RTL1: variants seen among roughly 807,000 people sequenced by gnomAD.
RTL1 encodes the protein retrotransposon-like protein 1.
For missense variants in RTL1, 1,681 were observed against 1,767.5 expected, an observed-to-expected ratio of 0.95 and a Z score of 0.88; for synonymous variants, 727 against 748.4, an observed-to-expected ratio of 0.97 and a Z score of 0.47.
chr14:100,901,179 C>T (rs904999398), intron 2 of RTL1, among the ~76,000 whole-genome samples: 2 of 152,220 alleles, frequency 1.3e-5, no homozygotes, highest in Non-Finnish European at 2.9e-5. Flanking sequence ...ATGACTCTGC[C>T]CTCCTTGAAA....
rs761842315 is a variant in RTL1, at chr14:100,884,454, T to C, written c.335A>G (p.Asp112Gly). 26 of 1,613,978 alleles carry C rather than the reference T, an allele frequency of 1.6e-5. No homozygotes were observed. The highest frequency in any genetic ancestry group is 2.2e-5 in the Non-Finnish European group (26 of 1,180,026). The change falls in exon 4 of 4, where the codon GAT (aspartate) becomes GGT (glycine). Residue 112 changes from aspartate to glycine, a missense_variant. Asp to Gly is a moderately conservative substitution (Grantham distance 94). Transcript: ENST00000649591. The part of the protein sequence containing the change: ...SCNGSHQARG[D>G]PLSGASDRMK... The stretch of plus-strand genomic sequence containing the variant: ...CCTATCAGATGCTCCACTGAGTGGA[T>C]CCCCCCTTGCCTGGTGTGAACCGTT...
At chr14:100,890,074 GAAAAAAAAA>G (rs55688942) in intron 3 of RTL1, among the ~76,000 whole-genome samples, 1 of 123,892 alleles carries the variant, frequency 8.1e-6, no homozygotes, top group South Asian at 2.7e-4. Context: ...CGCCTTATTT[GAAAAAAAAA>G]AAAAAAAAAA....
intron 3 of RTL1, among the ~76,000 whole-genome samples, chr14:100,890,690 G>A (rs527602702): frequency 1.3e-5 from 2 of 152,112 alleles, no homozygotes; most frequent in Non-Finnish European, 2.9e-5. Context: ...GGTGTCAGGT[G>A]AAGATCCCTG....
chr14:100,882,569 C>T lies in RTL1; in HGVS notation c.2220G>A (p.Met740Ile). 6.4e-7 allele frequency: 1 copy of T among 1,551,770 alleles called. No individual in the cohort carries two copies. Among genetic ancestry groups the T allele is most frequent in the Non-Finnish European group, 8.7e-7 (1 of 1,147,026 alleles). Residue 740 changes from methionine to isoleucine, a missense_variant, in exon 4 of 4, where the codon ATG becomes ATA. Physicochemically the swap from Met to Ile is conservative, Grantham distance 10 (BLOSUM62 1). Transcript: ENST00000649591. ...SYGQEVLIYSMSQEEHLHHVR... is the reference protein window; with the variant it reads ...SYGQEVLIYSISQEEHLHHVR... ...CGTGGTGGAGGTGCTCCTCCTGACT[C>T]ATTGAGTAGATCAGGACTTCCTGGC...
Position 100,893,065 on chromosome 14 carries a change from G to C in RTL1, c.-87+379C>G, listed in dbSNP as rs1463476324. Among the ~76,000 whole-genome samples, 1 of 152,136 alleles carries C rather than the reference G, an allele frequency of 6.6e-6. No individual in the cohort carries two copies. The highest frequency in any genetic ancestry group is 2.4e-5 in the African/African-American group (1 of 41,426). Reference sequence around the variant, plus strand: ...GAAACTGTTGGGACCTTCAGAGCCAGAGATGCCATCTTCATTCCATGGTGT... The same window carrying C: ...GAAACTGTTGGGACCTTCAGAGCCACAGATGCCATCTTCATTCCATGGTGT... On this transcript the variant is annotated intron_variant, in intron 3 of 3. Coordinates refer to ENST00000649591, the MANE Select transcript of RTL1 (RefSeq NM_001134888.3). The surrounding 1 kb of genome is among the most constrained non-coding windows in gnomAD (Gnocchi z 4.2).
chr14:100,890,655 C>T (rs1003182158), intron 3 of RTL1, among the ~76,000 whole-genome samples: 5 of 152,116 alleles, frequency 3.3e-5, no homozygotes, highest in Non-Finnish European at 7.4e-5. Context: ...ACCTGGGGCC[C>T]CTGGCTCTCT....
intron 2 of RTL1, among the ~76,000 whole-genome samples, chr14:100,895,541 C>T (rs7146460): frequency 0.28 from 43,087 of 151,972 alleles, 8,173 homozygotes; most frequent in African/African-American, 0.54. Flanking sequence ...TTTGCAAGCT[C>T]TTCTCATTTT....
In RTL1 at chr14:100,881,488, C is replaced by G. The variant is rs137942742; in HGVS notation, c.3301G>C (p.Val1101Leu). 8.6e-4 allele frequency: 1,337 copies of G among 1,551,468 alleles called. 17 individuals carry two copies. In the Admixed American group the frequency reaches 0.019, roughly 23 times the overall value. ...GGCCGCAGCGAGAGGCATTGCCTCA[C>G]GCGCAGTAGCACGAGGATGGCTGCC... The part of the protein sequence containing the change: ...ALAAILVLLR[V>L]RQCLSLRPAP... The change falls in exon 4 of 4, where the codon GTG (valine) becomes CTG (leucine). Residue 1101 changes from valine (V) to leucine (L), a missense_variant. Val to Leu is a conservative substitution (Grantham distance 32, BLOSUM62 1). Coordinates refer to ENST00000649591, the MANE Select transcript of RTL1 (RefSeq NM_001134888.3). This position sits in a 1 kb window ranked among gnomAD's most constrained non-coding sequence, Gnocchi z 6.6.
rs1171671819 is a variant in RTL1 at position 100,880,988 on chromosome 14, G to C, written c.3801C>G (p.Ala1267=). Residue 1267 remains alanine, a synonymous_variant, in exon 4 of 4, where the codon GCC becomes GCG. Transcript: ENST00000649591. ...QDKQDNDVQE[A]PPSHTAATHP... ...GGGTGGCTGCTGTGTGGCTGGGTGGGGCCTCCTGCACGTCGTTGTCCTGCT... is the reference window on the plus strand; with the variant it reads ...GGGTGGCTGCTGTGTGGCTGGGTGGCGCCTCCTGCACGTCGTTGTCCTGCT... 4 of 1,561,860 alleles carry C rather than the reference G, an allele frequency of 2.6e-6. No homozygotes were observed. The highest frequency in any genetic ancestry group is 2.4e-5 in the East Asian group (1 of 41,794).
Position 100,884,039 on chromosome 14 carries a change from T to C in RTL1, c.750A>G (p.Leu250=). Residue 250 remains leucine, a synonymous_variant, in exon 4 of 4, where the codon TTA becomes TTG. Coordinates refer to ENST00000649591, the MANE Select transcript of RTL1 (RefSeq NM_001134888.3). ...CCTGCAGTAGAGCTTTGGCCCATTCTAATGCCAAGCCGGACAGGTGATTGA... is the reference window on the plus strand; with the variant it reads ...CCTGCAGTAGAGCTTTGGCCCATTCCAATGCCAAGCCGGACAGGTGATTGA... The part of the protein sequence containing the change: ...YVINHLSGLA[L]EWAKALLQEN... 11 of 1,551,752 alleles carry C rather than the reference T, an allele frequency of 7.1e-6. No homozygotes were observed. The highest frequency in any genetic ancestry group is 9.6e-6 in the Non-Finnish European group (11 of 1,147,004).
intron 3 of RTL1, among the ~76,000 whole-genome samples, chr14:100,891,294 C>T (rs1321882535): frequency 6.6e-6 from 1 of 152,210 alleles, no homozygotes; most frequent in Non-Finnish European, 1.5e-5. Flanking sequence ...TCGGACATTC[C>T]CTCTCTTCCC....
rs763474437 is a variant in RTL1, at chr14:100,882,890, G to A, written c.1899C>T (p.Tyr633=). The change falls in exon 4 of 4, where the codon TAC becomes TAT. Residue 633 remains tyrosine, a synonymous_variant. Coordinates refer to ENST00000649591, the MANE Select transcript of RTL1 (RefSeq NM_001134888.3). The part of the protein sequence containing the change: ...MQERARLQEE[Y]WDLQDMLTNR... ...TGGTCAGCATGTCCTGCAGGTCCCA[G>A]TATTCCTCCTGTAGCCTGGCTCTTT... The A allele has an allele frequency of 2.5e-5, 39 of 1,590,396 alleles. No individual in the cohort carries two copies. The Admixed American group carries it at 5.6e-4, about 23-fold the overall frequency.
At chr14:100,897,827 T>G in intron 2 of RTL1, 1 of 252,918 alleles carries the variant, frequency 4.0e-6, no homozygotes, top group Admixed American at 3.2e-5. Context: ...ATTGCTGAGA[T>G]TTGGGTTTGG....
chr14:100,895,375 C>T (rs1282301263), intron 2 of RTL1, among the ~76,000 whole-genome samples: 1 of 152,118 alleles, frequency 6.6e-6, no homozygotes. Flanking sequence ...TGTAAATCAT[C>T]CTCCCCGTCT....
In RTL1 at chr14:100,881,543, G is replaced by A. The variant is rs757210017; in HGVS notation, c.3246C>T (p.Gly1082=). 1.9e-6 allele frequency: 3 copies of A among 1,551,626 alleles called. No homozygotes were observed. Among genetic ancestry groups the A allele is most frequent in the Non-Finnish European group, 2.6e-6 (3 of 1,147,024 alleles). Residue 1082 remains glycine, a synonymous_variant, in exon 4 of 4, where the codon GGC becomes GGT. Coordinates refer to ENST00000649591, the MANE Select transcript of RTL1 (RefSeq NM_001134888.3). This position sits in a 1 kb window ranked among gnomAD's most constrained non-coding sequence, Gnocchi z 6.6. ...IRAVILHFFR[G]LLYWKNTLAL... ...CTAGGGTGTTCTTCCAGTACAGGAGGCCTCGGAAGAAGTGCAGAATGACGG... is the reference window on the plus strand; with the variant it reads ...CTAGGGTGTTCTTCCAGTACAGGAGACCTCGGAAGAAGTGCAGAATGACGG...
chr14:100,890,858 G>A (rs894841792), intron 3 of RTL1, among the ~76,000 whole-genome samples: 9 of 152,278 alleles, frequency 5.9e-5, no homozygotes, highest in East Asian at 1.9e-4. Context: ...AAGGCACAGC[G>A]TCACAGTGAG....
intron 2 of RTL1, among the ~76,000 whole-genome samples, chr14:100,894,309 C>CAA (rs562868034): frequency 3.5e-4 from 25 of 72,410 alleles, no homozygotes; most frequent in Non-Finnish European, 6.0e-4. Flanking sequence ...AACTCCGTCT[C>CAA]AAAAAAAAAA....
chr14:100,902,797 G>A (rs1233374039), intron 2 of RTL1, among the ~76,000 whole-genome samples: 2 of 152,244 alleles, frequency 1.3e-5, no homozygotes, highest in East Asian at 3.8e-4. Context: ...AGGACTAAAT[G>A]AGATAAGTGT....
rs2140060774 is a variant in RTL1, at chr14:100,900,467, G to A, written c.-149+2824C>T. Among the ~76,000 whole-genome samples, 4 of 152,338 alleles carry A rather than the reference G, an allele frequency of 2.6e-5. No homozygotes were observed. In the South Asian group the frequency reaches 8.3e-4, roughly 32 times the overall value. On this transcript the variant is annotated intron_variant, in intron 2 of 3. Coordinates refer to ENST00000649591, the MANE Select transcript of RTL1 (RefSeq NM_001134888.3). ...CCTGGTCAGGCACATGTCTGATACT[G>A]GGGCTATTTCTCTGCGGCCATATGT...
Sources: gnomAD v4.1 joint callset for allele counts (sites outside exome capture counted in the v4.1 genomes callset) on GRCh38, gnomAD v4.1.1 for gene constraint, Gnocchi (gnomAD v3.1) non-coding constraint, MANE v1.5 for transcripts, NCBI Gene and HGNC (gene_info 2026-07-23, HGNC 2026-07-21) for gene names.